The following GCLC variants were observed in gnomAD, a reference collection of about 807,000 sequenced individuals.
The protein encoded by GCLC is glutamate--cysteine ligase catalytic subunit.
In GCLC, 30 loss-of-function variants were observed where a neutral mutation model predicts 81.5. The ratio of observed to expected loss-of-function variants is 0.37; its 90% confidence interval spans 0.28 to 0.50. GCLC has a LOEUF of 0.50. Ranked by LOEUF, GCLC falls within the 20% of genes least tolerant of loss-of-function variation. The probability of loss-of-function intolerance (pLI) is 0.96; values close to 1 mark genes in which losing one functional copy is unlikely to be tolerated. For synonymous variants in GCLC, 262 were observed against 273.3 expected, an observed-to-expected ratio of 0.96 and a Z score of 0.41; for missense variants, 556 against 777.4, an observed-to-expected ratio of 0.72 and a Z score of 3.39.
At chr6:53,534,454 A>G (rs890195337) in intron 1 of GCLC, among the ~76,000 whole-genome samples, 31 of 147,646 alleles carry the variant, frequency 2.1e-4, no homozygotes, top group African/African-American at 7.6e-4. Flanking sequence ...CAGGGGCTAA[A>G]TTTACCCTCC....
At chr6:53,509,717 C>T (rs1047783162) in intron 6 of GCLC, 11 of 188,418 alleles carry the variant, frequency 5.8e-5, no homozygotes, top group African/African-American at 1.4e-4. Flanking sequence ...GGCGCGCTCT[C>T]GGCTCACTGA....
chr6:53,500,412 AATC>A lies in GCLC; in HGVS notation c.1477+17_1477+19del. The A allele has an allele frequency of 6.2e-7, 1 of 1,600,348 alleles. No homozygotes were observed. Among genetic ancestry groups the A allele is most frequent in the Admixed American group, 1.7e-5 (1 of 60,024 alleles). ...TGTTGCAGCATAAGCTGACATTAGA[AATC>A]TAAGATAATGTAATACCTTTGCAAA... On this transcript the variant is annotated intron_variant, in intron 13 of 15. Transcript: ENST00000650454.
At chr6:53,524,452 GA>G (rs1763048704) in intron 1 of GCLC, among the ~76,000 whole-genome samples, 1 of 152,186 alleles carries the variant, frequency 6.6e-6, no homozygotes, top group South Asian at 2.1e-4. Context: ...TCATTTCATG[GA>G]AGGGGTCCTA....
At chr6:53,512,566 G>A (rs1335432432) in intron 6 of GCLC, among the ~76,000 whole-genome samples, 1 of 152,098 alleles carries the variant, frequency 6.6e-6, no homozygotes, top group Non-Finnish European at 1.5e-5. Context: ...GATTTCGGTG[G>A]TGAATTGGCA....
chr6:53,544,685 G>T lies in GCLC; in HGVS notation c.-40C>A. On this transcript the variant is annotated 5_prime_UTR_variant, in exon 1 of 16. Transcript: ENST00000650454. ...CCTCCTCCTCCTCCTCCGGGCTGAC[G>T]GCGGTCGCCCGCTCCGGGCGCGAGA... The T allele has an allele frequency of 1.3e-6, 2 of 1,550,312 alleles. No individual in the cohort carries two copies. Among genetic ancestry groups the T allele is most frequent in the Non-Finnish European group, 1.7e-6 (2 of 1,155,418 alleles).
intron 1 of GCLC, among the ~76,000 whole-genome samples, chr6:53,526,985 A>C (rs565427708): frequency 1.4e-4 from 21 of 152,286 alleles, no homozygotes; most frequent in African/African-American, 5.1e-4. Context: ...TTCTCTGTAA[A>C]TGAGAAGGAA....
chr6:53,534,198 C>G (rs1763220173), intron 1 of GCLC, among the ~76,000 whole-genome samples: 1 of 152,190 alleles, frequency 6.6e-6, no homozygotes, highest in Non-Finnish European at 1.5e-5. Flanking sequence ...GACTTTGAAA[C>G]TAATTGTGTT....
At chr6:53,504,220 GC>G (rs1456754159) in intron 12 of GCLC, among the ~76,000 whole-genome samples, 1 of 123,650 alleles carries the variant, frequency 8.1e-6, no homozygotes, top group Non-Finnish European at 1.7e-5. Context: ...CTTTCCAGTT[GC>G]TTTTTTTTTT....
intron 6 of GCLC, among the ~76,000 whole-genome samples, chr6:53,511,663 A>G (rs935856381): frequency 1.3e-5 from 2 of 152,040 alleles, no homozygotes; most frequent in African/African-American, 4.8e-5. Context: ...CACTGTGGAT[A>G]ATGGCTTTAA....
chr6:53,543,016 A>C (rs72942529), intron 1 of GCLC, among the ~76,000 whole-genome samples: 13,099 of 152,202 alleles, frequency 0.086, 625 homozygotes, highest in Middle Eastern at 0.13. Flanking sequence ...CTCAAAAAAA[A>C]AGAGCAGCAC....
chr6:53,528,365 G>C (rs975478625), intron 1 of GCLC, among the ~76,000 whole-genome samples: 1 of 152,104 alleles, frequency 6.6e-6, no homozygotes. Context: ...ACTTTTAGGG[G>C]ACCAGTAAGT....
At chr6:53,504,611 G>A (rs892739905) in intron 12 of GCLC, among the ~76,000 whole-genome samples, 2 of 152,184 alleles carry the variant, frequency 1.3e-5, no homozygotes, top group African/African-American at 4.8e-5. Flanking sequence ...GGAGCAGGCA[G>A]GGATGGGCTG....
intron 9 of GCLC, 61 bp from the exon 10 acceptor site, chr6:53,507,086 C>T: frequency 1.1e-6 from 1 of 919,692 alleles, no homozygotes; most frequent in Non-Finnish European, 1.8e-6. Flanking sequence ...TCCTCTTAGT[C>T]CAGAAAGACG....
intron 12 of GCLC, among the ~76,000 whole-genome samples, chr6:53,504,696 C>T (rs1581729110): frequency 6.6e-6 from 1 of 152,240 alleles, no homozygotes; most frequent in East Asian, 1.9e-4. Context: ...GGAGATGCCC[C>T]AGGGGCAGAT....
intron 3 of GCLC, among the ~76,000 whole-genome samples, chr6:53,517,739 A>C (rs1433784359): frequency 6.6e-6 from 1 of 152,194 alleles, no homozygotes; most frequent in Non-Finnish European, 1.5e-5. Flanking sequence ...GCTTCATTCT[A>C]GAGCAGTGCT....
intron 1 of GCLC, among the ~76,000 whole-genome samples, chr6:53,532,232 C>T (rs187406668): frequency 9.2e-5 from 14 of 152,312 alleles, no homozygotes; most frequent in Admixed American, 7.8e-4. Context: ...AGGGCAGGGC[C>T]CTTGTGGGCA....
At chr6:53,505,634 C>T in intron 11 of GCLC, 138 bp from the exon 12 acceptor site, 1 of 742,806 alleles carries the variant, frequency 1.3e-6, no homozygotes, top group East Asian at 2.7e-5. Context: ...CCTTTGCCCA[C>T]ATCTATTCTC....
chr6:53,536,741 T>C (rs1211503475), intron 1 of GCLC, among the ~76,000 whole-genome samples: 1 of 152,186 alleles, frequency 6.6e-6, no homozygotes, highest in Non-Finnish European at 1.5e-5. Context: ...AGGTTTATGC[T>C]TCAAAATGAA....
rs148641100 is a variant in GCLC, at chr6:53,500,346, G to A, written c.1482C>T (p.Gly494=). The change falls in exon 14 of 16, where the codon GGC becomes GGT. Residue 494 remains glycine, a synonymous_variant. Transcript: ENST00000650454. ...TGCCACAACCATCCACCACTGCATTGCCACCTGCCGGAGAAGAGGGTCAGG... is the reference window on the plus strand; with the variant it reads ...TGCCACAACCATCCACCACTGCATTACCACCTGCCGGAGAAGAGGGTCAGG... ...FYFRKDICKG[G]NAVVDGCGKA... 1.2e-5 allele frequency: 20 copies of A among 1,614,004 alleles called. No individual in the cohort carries two copies. The African/African-American group carries it at 1.7e-4, about 14-fold the overall frequency.
Sources: gnomAD v4.1 joint callset for allele counts (sites outside exome capture counted in the v4.1 genomes callset) on GRCh38, gnomAD v4.1.1 for gene constraint, MANE v1.5 for transcripts, NCBI Gene and HGNC (gene_info 2026-07-23, HGNC 2026-07-21) for gene names.